The following GGH variants were observed in gnomAD, a reference collection of about 807,000 sequenced individuals.
GGH encodes gamma-glutamyl hydrolase.
Under a neutral mutation model 39.2 loss-of-function variants are expected in GGH, and 18 were observed. The ratio of observed to expected loss-of-function variants is 0.46; its 90% confidence interval spans 0.32 to 0.68. The LOEUF (loss-of-function observed/expected upper bound fraction) is 0.68. Ranked by LOEUF, GGH falls within the 30% of genes least tolerant of loss-of-function variation. The probability of loss-of-function intolerance (pLI) is 0.04; values close to 1 mark genes in which losing one functional copy is unlikely to be tolerated. For missense variants in GGH, 367 were observed against 384.1 expected, an observed-to-expected ratio of 0.96 and a Z score of 0.37; for synonymous variants, 147 against 138.8, an observed-to-expected ratio of 1.06 and a Z score of -0.42.
intron 5 of GGH, among the ~76,000 whole-genome samples, chr8:63,025,752 AT>A (rs1804672698): frequency 2.6e-5 from 4 of 152,038 alleles, no homozygotes; most frequent in African/African-American, 9.7e-5. Flanking sequence ...AAAAAATCTT[AT>A]TTAATATTCA....
At chr8:63,024,248 CACTT>C in intron 5 of GGH, 62 bp from the exon 6 acceptor site, 1 of 907,548 alleles carries the variant, frequency 1.1e-6, no homozygotes, top group Non-Finnish European at 1.8e-6. Context: ...CCACTGAAGT[CACTT>C]ACTGCACCCA....
Position 63,038,647 on chromosome 8 carries a change from A to C in GGH, c.109+13T>G. ...TCCTCCCCGTCTGCTGCGGCCCCGC[A>C]CAGCCTCCTTACCGATGATGGGCTT... On this transcript the variant is annotated intron_variant, in intron 1 of 8. Transcript: ENST00000260118. 2 of 1,295,290 alleles carry C rather than the reference A, an allele frequency of 1.5e-6. No individual in the cohort carries two copies. Among genetic ancestry groups the C allele is most frequent in the Admixed American group, 2.2e-5 (1 of 44,856 alleles). The allele number at this position is 1,295,290 out of a possible 1,614,324, so 80.2% of individuals were successfully genotyped here.
chr8:63,023,382 A>C (rs1277041458), intron 7 of GGH: 1 of 152,254 alleles, frequency 6.6e-6, no homozygotes, highest in Non-Finnish European at 1.5e-5. Flanking sequence ...TCACCCTTAC[A>C]TTGCTGGTAT....
chr8:63,017,225 A>G, intron 8 of GGH: 1 of 331,340 alleles, frequency 3.0e-6, no homozygotes, highest in Non-Finnish European at 5.4e-6. Flanking sequence ...ACCAAAAAAA[A>G]AACTCTCAAC....
At chr8:63,029,295 T>C (rs922458643) in intron 3 of GGH, among the ~76,000 whole-genome samples, 1 of 152,164 alleles carries the variant, frequency 6.6e-6, no homozygotes, top group African/African-American at 2.4e-5. Flanking sequence ...ATCACGTGCC[T>C]TGCCTTTTTC....
At chr8:63,021,501 T>C (rs1804583979) in intron 7 of GGH, among the ~76,000 whole-genome samples, 1 of 152,166 alleles carries the variant, frequency 6.6e-6, no homozygotes, top group African/African-American at 2.4e-5. Flanking sequence ...ACACTAGTTA[T>C]CAGCAGGCTT....
At chr8:63,018,482 G>A (rs988953580) in intron 7 of GGH, among the ~76,000 whole-genome samples, 1 of 152,166 alleles carries the variant, frequency 6.6e-6, no homozygotes, top group African/African-American at 2.4e-5. Flanking sequence ...ATATCTAGGG[G>A]TAAGAGCACT....
chr8:63,027,327 C>G, intron 3 of GGH, 62 bp from the exon 4 acceptor site: 1 of 753,258 alleles, frequency 1.3e-6, no homozygotes, highest in Non-Finnish European at 2.3e-6. Flanking sequence ...CATACACACA[C>G]AGAAAACAAT....
intron 2 of GGH, 95 bp from the exon 3 acceptor site, chr8:63,030,312 A>C: frequency 1.5e-6 from 1 of 653,018 alleles, no homozygotes; most frequent in Non-Finnish European, 2.8e-6. Context: ...CCAAATAAAA[A>C]CAAATTTTTA....
intron 7 of GGH, 197 bp from the exon 8 acceptor site, chr8:63,017,827 T>C (rs1459593445): frequency 6.4e-6 from 3 of 470,640 alleles, no homozygotes; most frequent in Non-Finnish European, 1.1e-5. Context: ...TTTCACTGAT[T>C]AGCAACCTTT....
Position 63,015,253 on chromosome 8 carries a change from C to G in GGH, c.*79G>C. 1 of 717,954 alleles carries G rather than the reference C, an allele frequency of 1.4e-6. No homozygotes were observed. Among genetic ancestry groups the G allele is most frequent in the Non-Finnish European group, 2.3e-6 (1 of 433,772 alleles). 44.5% of individuals were successfully genotyped at this position (717,954 alleles called of 1,614,324 possible). On this transcript the variant is annotated 3_prime_UTR_variant, in exon 9 of 9. Coordinates refer to ENST00000260118, the MANE Select transcript of GGH (RefSeq NM_003878.3). Reference sequence around the variant, plus strand: ...AGAAAAGAATCTGTGACTTCCTAATCTTGCCATGAGTAGCAAGTTATTCTA... The same window carrying G: ...AGAAAAGAATCTGTGACTTCCTAATGTTGCCATGAGTAGCAAGTTATTCTA...
chr8:63,023,665 C>T (rs558981486), intron 7 of GGH: 1 of 278,878 alleles, frequency 3.6e-6, no homozygotes, highest in South Asian at 1.6e-4. Context: ...TTCTTCATTT[C>T]TTTCTTCATC....
chr8:63,030,571 T>C (rs1804784261), intron 2 of GGH, among the ~76,000 whole-genome samples: 3 of 152,324 alleles, frequency 2.0e-5, no homozygotes, highest in African/African-American at 7.2e-5. Flanking sequence ...AGTAGTTTTA[T>C]GTAAAGACTC....
chr8:63,017,362 ATTATTCT>A (rs1238272743), intron 8 of GGH, 124 bp downstream of exon 8: 1 of 593,794 alleles, frequency 1.7e-6, no homozygotes, highest in African/African-American at 1.9e-5. Flanking sequence ...TAACATTTGT[ATTATTCT>A]TTAAAGTTAA....
intron 7 of GGH, 50 bp downstream of exon 7, chr8:63,023,857 T>G: frequency 8.0e-7 from 1 of 1,256,654 alleles, no homozygotes; most frequent in African/African-American, 1.6e-5. Flanking sequence ...AAATCAAAAT[T>G]TAAAAATATA....
rs780309319 is a variant in GGH, at chr8:63,038,742, G to A, written c.27C>T (p.Cys9=). The A allele has an allele frequency of 1.9e-6, 3 of 1,577,192 alleles. No homozygotes were observed. Among genetic ancestry groups the A allele is most frequent in the Non-Finnish European group, 2.6e-6 (3 of 1,164,050 alleles). Reference sequence around the variant, plus strand: ...CCCCGCAGAGTAGCAGGCCCAGCACGCACAGCAGGCAGCCCGGACTGGCCA... The same window carrying A: ...CCCCGCAGAGTAGCAGGCCCAGCACACACAGCAGGCAGCCCGGACTGGCCA... MASPGCLL[C]VLGLLLCGAA... The change falls in exon 1 of 9, where the codon TGC becomes TGT. Residue 9 remains cysteine, a synonymous_variant. Transcript: ENST00000260118.
chr8:63,017,131 C>G (rs1804500340), intron 8 of GGH, among the ~76,000 whole-genome samples: 1 of 151,838 alleles, frequency 6.6e-6, no homozygotes, highest in South Asian at 2.1e-4. Flanking sequence ...TTTGAGGCTG[C>G]AATAAGCTAT....
intron 7 of GGH, chr8:63,023,660 C>A: frequency 3.7e-6 from 1 of 270,404 alleles, no homozygotes; most frequent in Non-Finnish European, 6.9e-6. Context: ...TCATTTTCTT[C>A]ATTTCTTTCT....
In GGH at chr8:63,026,296, T is replaced by C. The variant is rs746403595; in HGVS notation, c.361A>G (p.Ser121Gly). 2.8e-5 allele frequency: 44 copies of C among 1,591,368 alleles called. No homozygotes were observed. In the Admixed American group the frequency reaches 7.6e-4, roughly 27 times the overall value. ...GGAAAATAGTCTCCATCATCAAAAC[T>C]CTTTGCAAGTGGAAAAAGAGAAAAC... ...AKIFYNLSIQ[S>G]FDDGDYFPVW... Residue 121 changes from serine to glycine, a missense_variant and splice_region_variant, in exon 5 of 9, where the codon AGT becomes GGT. Transcript: ENST00000260118.
Sources: allele counts gnomAD v4.1 joint callset (sites outside exome capture counted in the v4.1 genomes callset), GRCh38; gene constraint gnomAD v4.1.1; transcripts MANE v1.5; gene names NCBI Gene and HGNC (gene_info 2026-07-23, HGNC 2026-07-21).